Variants in CSMD1 observed in about 807,000 individuals in gnomAD.
CSMD1 encodes the protein CUB and Sushi multiple domains 1.
Under a neutral mutation model 417.5 loss-of-function variants are expected in CSMD1, and 213 were observed. The ratio of observed to expected loss-of-function variants is 0.51; its 90% CI spans 0.46 to 0.57. The LOEUF is 0.57. Ranked by LOEUF, CSMD1 falls within the 20% of genes least tolerant of loss-of-function variation. CSMD1 has a pLI of 0.00. For synonymous variants in CSMD1, 2,862 were observed against 1,736.8 expected, an observed-to-expected ratio of 1.65 and a Z score of -16.11; for missense variants, 6,923 against 4,529.7, an observed-to-expected ratio of 1.53 and a Z score of -15.17.
intron 41 of CSMD1, among the ~76,000 whole-genome samples, chr8:3,133,635 G>C (rs1164816183): frequency 6.6e-6 from 1 of 152,152 alleles, no homozygotes; most frequent in Admixed American, 6.5e-5. Context: ...CGGGCATAGA[G>C]CTTAGCTCTG....
chr8:4,722,700 A>T (rs148869355), intron 1 of CSMD1, among the ~76,000 whole-genome samples: 296 of 152,284 alleles, frequency 1.9e-3, no homozygotes, highest in African/African-American at 7.0e-3. Flanking sequence ...TTCTAATTTG[A>T]ATATGATGTC....
chr8:4,747,403 G>T (rs1011384584), intron 1 of CSMD1, among the ~76,000 whole-genome samples: 1 of 152,104 alleles, frequency 6.6e-6, no homozygotes, highest in Non-Finnish European at 1.5e-5. Flanking sequence ...AACAAGATTG[G>T]TAAGAGCAAT....
intron 1 of CSMD1, among the ~76,000 whole-genome samples, chr8:4,937,303 T>A (rs576485716): frequency 6.6e-6 from 1 of 152,338 alleles, no homozygotes; most frequent in Admixed American, 6.5e-5. Context: ...ACCATATTCA[T>A]GGACTCTACA....
intron 37 of CSMD1, among the ~76,000 whole-genome samples, chr8:3,169,112 G>A (rs1301612602): frequency 6.6e-6 from 1 of 152,138 alleles, no homozygotes; most frequent in African/African-American, 2.4e-5. Context: ...TGGGCAGATG[G>A]TAAGTAATGT....
intron 4 of CSMD1, among the ~76,000 whole-genome samples, chr8:3,999,890 T>C (rs1030262773): frequency 1.3e-5 from 2 of 152,176 alleles, no homozygotes; most frequent in Non-Finnish European, 2.9e-5. Context: ...GCCCATGTTT[T>C]GTAGGACATC....
chr8:4,005,274 T>A (rs900615383), intron 4 of CSMD1, among the ~76,000 whole-genome samples: 1 of 152,120 alleles, frequency 6.6e-6, no homozygotes, highest in African/African-American at 2.4e-5. Flanking sequence ...TACACCCCAA[T>A]AACTTATAGA....
intron 5 of CSMD1, among the ~76,000 whole-genome samples, chr8:3,759,149 G>A (rs1322852554): frequency 1.3e-5 from 2 of 152,130 alleles, no homozygotes; most frequent in Non-Finnish European, 2.9e-5. Context: ...TTGTATTTGT[G>A]TTAATTTGTT....
At chr8:4,686,455 C>T (rs1045305336) in intron 1 of CSMD1, among the ~76,000 whole-genome samples, 1 of 152,290 alleles carries the variant, frequency 6.6e-6, no homozygotes, top group Non-Finnish European at 1.5e-5. Flanking sequence ...AGGCCTTGTG[C>T]GAGAGGGGGC....
At chr8:3,723,649 G>C (rs1226137735) in intron 6 of CSMD1, among the ~76,000 whole-genome samples, 2 of 119,292 alleles carry the variant, frequency 1.7e-5, no homozygotes, top group Non-Finnish European at 3.7e-5. Flanking sequence ...GTCTGTCTTT[G>C]TAACTTCCCA....
intron 3 of CSMD1, among the ~76,000 whole-genome samples, chr8:4,203,315 G>A (rs1235606691): frequency 2.6e-5 from 4 of 152,098 alleles, no homozygotes; most frequent in South Asian, 4.2e-4. Context: ...CCACGGGGTC[G>A]GCTCAGGGAG....
chr8:3,885,302 T>C (rs1305563289), intron 5 of CSMD1, among the ~76,000 whole-genome samples: 2 of 152,138 alleles, frequency 1.3e-5, no homozygotes, highest in Admixed American at 6.5e-5. Context: ...ATCTGACCTT[T>C]TCAGGGGTTT....
chr8:3,485,707 T>C (rs1447998837), intron 11 of CSMD1, among the ~76,000 whole-genome samples: 3 of 150,680 alleles, frequency 2.0e-5, no homozygotes, highest in Non-Finnish European at 4.4e-5. Flanking sequence ...TTGCAGTGAG[T>C]TGAGATTGTG....
At chr8:4,030,593 C>T (rs2407259) in intron 4 of CSMD1, among the ~76,000 whole-genome samples, 18,908 of 152,216 alleles carry the variant, frequency 0.12, 1,472 homozygotes, top group South Asian at 0.23. Flanking sequence ...ACCTCCAGGC[C>T]TGTGATGGGA....
Position 3,214,257 on chromosome 8 carries a change from T to C in CSMD1, c.4867+240A>G, listed in dbSNP as rs183226463. On this transcript the variant is annotated intron_variant, in intron 30 of 69. Transcript: ENST00000635120. ...AACACACAAAAACAGAAGTGAAAAA[T>C]GTAAAACTGTACGAGCGAAGGAAAA... 4.5e-3 allele frequency among the ~76,000 whole-genome samples: 691 copies of C among 151,966 alleles called. 8 individuals are homozygous for C. The highest frequency in any genetic ancestry group is 0.015 in the African/African-American group (623 of 41,422).
chr8:4,512,801 GC>G (rs1802895302), intron 2 of CSMD1, among the ~76,000 whole-genome samples: 1 of 144,044 alleles, frequency 6.9e-6, no homozygotes, highest in African/African-American at 2.5e-5. Flanking sequence ...CAAAGAGATA[GC>G]CCATGTTCAT....
chr8:4,626,112 T>C (rs762516996), intron 2 of CSMD1, among the ~76,000 whole-genome samples: 12 of 152,148 alleles, frequency 7.9e-5, no homozygotes, highest in Non-Finnish European at 1.3e-4. Context: ...GATTCATGTA[T>C]AGACCATGAG....
intron 10 of CSMD1, among the ~76,000 whole-genome samples, chr8:3,511,458 T>C (rs1797063635): frequency 7.9e-5 from 12 of 151,738 alleles, no homozygotes; most frequent in Admixed American, 7.2e-4. Flanking sequence ...GAAGGTTTAC[T>C]CAAAATCTGT....
intron 3 of CSMD1, among the ~76,000 whole-genome samples, chr8:4,112,604 A>G (rs1801915780): frequency 6.6e-6 from 1 of 152,164 alleles, no homozygotes; most frequent in South Asian, 2.1e-4. Flanking sequence ...TGCGTGTATG[A>G]GGGCTGGTTC....
intron 3 of CSMD1, among the ~76,000 whole-genome samples, chr8:4,323,482 G>C (rs1192914797): frequency 2.4e-5 from 2 of 84,586 alleles, no homozygotes; most frequent in African/African-American, 1.5e-4. Flanking sequence ...ATGGGACTAG[G>C]GCTTTCTCTG....
Sources: gnomAD v4.1 joint callset for allele counts (sites outside exome capture counted in the v4.1 genomes callset) on GRCh38, gnomAD v4.1.1 for gene constraint, MANE v1.5 for transcripts, NCBI Gene and HGNC (gene_info 2026-07-23, HGNC 2026-07-21) for gene names.